Variants in ZBTB1 observed in about 807,000 individuals in gnomAD.
ZBTB1 encodes zinc finger and BTB domain-containing protein 1.
In ZBTB1, 13 loss-of-function variants were observed where a neutral mutation model predicts 51.6. That is an observed-to-expected ratio of 0.25 (90% CI 0.16 to 0.40). The LOEUF (loss-of-function observed/expected upper bound fraction) is 0.40. Among genes scored for constraint, ZBTB1 ranks in the 10% least tolerant of loss-of-function variants. ZBTB1 has a pLI of 1.00. For missense variants in ZBTB1, 567 were observed against 856.5 expected (o/e 0.66, Z 4.22); for synonymous variants, 240 against 282.2 (o/e 0.85, Z 1.50).
chr14:64,533,432 T>G (rs2079958197), exon 3 of ZBTB1: 1 of 152,526 alleles, frequency 6.6e-6, no homozygotes, highest in South Asian at 2.1e-4. Flanking sequence ...ATCAAAATAG[T>G]AATAAATCAA....
At chr14:64,521,115 G>T (rs1236908687) in intron 1 of ZBTB1, among the ~76,000 whole-genome samples, 1 of 152,030 alleles carries the variant, frequency 6.6e-6, no homozygotes, top group Admixed American at 6.6e-5. Context: ...CTCCTGCCTC[G>T]GTCTCCCAAA....
chr14:64,529,078 G>A (rs1048026561), downstream of ZBTB1, among the ~76,000 whole-genome samples: 1 of 152,180 alleles, frequency 6.6e-6, no homozygotes, highest in Non-Finnish European at 1.5e-5. Context: ...ATGTGAAAAC[G>A]TGAGTGGAAA....
At position 64,523,223 on chromosome 14, in the gene ZBTB1, T is replaced by C. The variant is rs370609361; in HGVS notation, c.1719T>C (p.Asp573=). 5 of 1,614,030 alleles carry C rather than the reference T, an allele frequency of 3.1e-6. No individual in the cohort carries two copies. The African/African-American group carries it at 6.7e-5, about 22-fold the overall frequency. The part of the protein sequence containing the change: ...KSAIMEENER[D]HRRKHFCNLC... ...CCATCATGGAAGAAAATGAAAGAGA[T>C]CACAGACGAAAGCATTTTTGTAATC... Residue 573 remains aspartate (D), a synonymous_variant, in exon 2 of 2, where the codon GAT becomes GAC. Transcript: ENST00000683701. This position sits in a 1 kb window ranked among gnomAD's most constrained non-coding sequence, Gnocchi z 4.5.
intron 1 of ZBTB1, among the ~76,000 whole-genome samples, chr14:64,509,089 G>T (rs1238307226): frequency 6.6e-6 from 1 of 152,218 alleles, no homozygotes; most frequent in African/African-American, 2.4e-5. Context: ...TCCCAAAGAG[G>T]CCAGGCACAA....
In ZBTB1 at chr14:64,522,010, C is replaced by T. The variant is rs1040562978; in HGVS notation, c.506C>T (p.Thr169Ile). ...WCAEPSSTVN[T>I]PHNREADEES... ...GCAGAGCCAAGTTCAACGGTAAATA[C>T]ACCACATAATAGAGAGGCTGATGAA... Residue 169 changes from threonine to isoleucine, a missense_variant, in exon 2 of 2, where the codon ACA becomes ATA. This residue lies in a region of ZBTB1 where 74 missense variants were observed against 74.9 expected (regional missense o/e 0.99). Coordinates refer to ENST00000683701, the MANE Select transcript of ZBTB1 (RefSeq NM_001123329.2). 2 of 1,614,200 alleles carry T rather than the reference C, an allele frequency of 1.2e-6. No individual in the cohort carries two copies. Among genetic ancestry groups the T allele is most frequent in the Non-Finnish European group, 1.7e-6 (2 of 1,180,040 alleles).
chr14:64,531,883 C>G, exon 3 of ZBTB1: 1 of 1,613,570 alleles, frequency 6.2e-7, no homozygotes, highest in Non-Finnish European at 8.5e-7. Context: ...GCCTTCTAAA[C>G]CTGTGGAGAA....
chr14:64,532,950 C>A (rs1437177753), exon 3 of ZBTB1: 4 of 151,818 alleles, frequency 2.6e-5, no homozygotes, highest in African/African-American at 4.8e-5. Flanking sequence ...TGTTTATGTA[C>A]CCAATTCCTT....
upstream of ZBTB1, chr14:64,504,725 C>T (rs528479954): frequency 5.3e-6 from 2 of 373,850 alleles, no homozygotes; most frequent in East Asian, 7.6e-5. Context: ...GGGGCCGGCT[C>T]AGTGCGGTGC....
At chr14:64,509,209 A>T (rs1596685818) in intron 1 of ZBTB1, among the ~76,000 whole-genome samples, 2 of 152,306 alleles carry the variant, frequency 1.3e-5, no homozygotes, top group Admixed American at 1.3e-4. Flanking sequence ...GTCTCTACAA[A>T]CAATACAAAA....
chr14:64,530,260 T>C (rs1470715039), intron 2 of ZBTB1, among the ~76,000 whole-genome samples: 1 of 152,210 alleles, frequency 6.6e-6, no homozygotes, highest in African/African-American at 2.4e-5. Flanking sequence ...TATATAATCA[T>C]TTAAGTGTTA....
chr14:64,529,864 T>G (rs1353016491), downstream of ZBTB1, among the ~76,000 whole-genome samples: 1 of 152,212 alleles, frequency 6.6e-6, no homozygotes. Context: ...TTGATTAAGA[T>G]TTATAGAGCA....
Position 64,523,168 on chromosome 14 carries a change from G to A in ZBTB1, c.1664G>A (p.Ser555Asn), listed in dbSNP as rs771829995. 1.2e-5 allele frequency: 19 copies of A among 1,614,178 alleles called. No homozygotes were observed. The highest frequency in any genetic ancestry group is 1.6e-5 in the Non-Finnish European group (19 of 1,180,030). Reference protein sequence around the residue: ...TENLVVEHMSSCLDQDMFKSA... With the variant: ...TENLVVEHMSNCLDQDMFKSA... ...AATCTAGTGGTTGAACATATGTCTA[G>A]CTGCTTAGATCAAGATATGTTTAAG... The change falls in exon 2 of 2, where the codon AGC (serine) becomes AAC (asparagine). Residue 555 changes from serine (S) to asparagine (N), a missense_variant. Around this residue, in one of 5 missense-constraint regions of ZBTB1, gnomAD observed 329 missense variants for 406.3 expected, o/e 0.81. Coordinates refer to ENST00000683701, the MANE Select transcript of ZBTB1 (RefSeq NM_001123329.2). The surrounding 1 kb of genome is among the most constrained non-coding windows in gnomAD (Gnocchi z 4.5).
intron 1 of ZBTB1, among the ~76,000 whole-genome samples, chr14:64,518,981 T>C (rs945508582): frequency 2.3e-4 from 33 of 142,078 alleles, no homozygotes; most frequent in African/African-American, 7.9e-4. Context: ...AGCAAAACTA[T>C]GTGCCTGGCA....
chr14:64,513,629 C>A (rs2079749469), intron 1 of ZBTB1, among the ~76,000 whole-genome samples: 1 of 152,128 alleles, frequency 6.6e-6, no homozygotes, highest in Non-Finnish European at 1.5e-5. Flanking sequence ...CTTCTAAACT[C>A]TTGCTGAACT....
Position 64,524,551 on chromosome 14 carries a change from A to T in ZBTB1, c.*905A>T. ...AAGAATATGACCTCTAAAGGAAAAG[A>T]TGATTTTTTACAATACATACTTCTG... On this transcript the variant is annotated 3_prime_UTR_variant, in exon 2 of 2. Transcript: ENST00000683701. 7.1e-6 allele frequency: 7 copies of T among 983,014 alleles called. No individual in the cohort carries two copies. The highest frequency in any genetic ancestry group is 8.5e-6 in the Non-Finnish European group (7 of 827,754). 60.9% of individuals were successfully genotyped at this position (983,014 alleles called of 1,614,324 possible).
exon 3 of ZBTB1, chr14:64,532,001 G>T: frequency 7.1e-7 from 1 of 1,399,660 alleles, no homozygotes; most frequent in Non-Finnish European, 9.7e-7. Context: ...CATCTTTTCT[G>T]TCTTCCTGAC....
chr14:64,519,475 T>C (rs1039784180), intron 1 of ZBTB1, among the ~76,000 whole-genome samples: 7 of 134,850 alleles, frequency 5.2e-5, no homozygotes, highest in African/African-American at 1.6e-4. Flanking sequence ...AAAAAAAAAA[T>C]AGAAGAGGCC....
At chr14:64,526,840 C>G (rs986922064), downstream of ZBTB1, among the ~76,000 whole-genome samples, 1 of 151,812 alleles carries the variant, frequency 6.6e-6, no homozygotes, top group Non-Finnish European at 1.5e-5. Context: ...CCAGGAGTTC[C>G]AGACCAGCCT....
rs531984874 is a variant in ZBTB1 at position 64,523,776 on chromosome 14, A to C, written c.*130A>C. 7.3e-7 allele frequency: 1 copy of C among 1,365,234 alleles called. No individual in the cohort carries two copies. The highest frequency in any genetic ancestry group is 2.7e-5 in the East Asian group (1 of 37,196). The allele number at this position is 1,365,234 out of a possible 1,614,324, so 84.6% of individuals were successfully genotyped here. ...AAATTTCAAGGCCCTTTTAACTTTA[A>C]TATTTTTGTTTAGGATTTTAAGTAT... On this transcript the variant is annotated 3_prime_UTR_variant, in exon 2 of 2. Coordinates refer to ENST00000683701, the MANE Select transcript of ZBTB1 (RefSeq NM_001123329.2). This position sits in a 1 kb window ranked among gnomAD's most constrained non-coding sequence, Gnocchi z 4.5.
Sources: allele counts gnomAD v4.1 joint callset (sites outside exome capture counted in the v4.1 genomes callset), GRCh38; gene constraint gnomAD v4.1.1; regional missense constraint gnomAD v4.1.1; non-coding constraint Gnocchi (gnomAD v3.1); transcripts MANE v1.5; gene names NCBI Gene and HGNC (gene_info 2026-07-23, HGNC 2026-07-21).